Variants in CSNK1G1 observed in about 807,000 individuals in gnomAD.
The protein encoded by CSNK1G1 is casein kinase I isoform gamma-1.
A neutral mutation model predicts 59.6 loss-of-function variants in CSNK1G1; 22 were observed. The ratio of observed to expected loss-of-function variants is 0.37; its 90% CI spans 0.26 to 0.53. The LOEUF is 0.53. Among genes scored for constraint, CSNK1G1 ranks in the 20% least tolerant of loss-of-function variants. CSNK1G1 has a pLI of 0.89. For missense variants in CSNK1G1, 384 were observed against 519.5 expected (o/e 0.74, Z 2.54); for synonymous variants, 179 against 177.1 (o/e 1.01, Z -0.08).
chr15:64,337,969 A>G (rs1315959389), intron 1 of CSNK1G1, among the ~76,000 whole-genome samples: 1 of 152,194 alleles, frequency 6.6e-6, no homozygotes, highest in Non-Finnish European at 1.5e-5. Context: ...CATGTGTCAG[A>G]ATTTCCTTCC....
At chr15:64,228,243 T>A (rs562795096) in intron 4 of CSNK1G1, among the ~76,000 whole-genome samples, 2 of 152,240 alleles carry the variant, frequency 1.3e-5, no homozygotes, top group South Asian at 4.2e-4. Context: ...GCATTACTTT[T>A]TTAAATTATA....
rs116312790 is a variant in CSNK1G1, at chr15:64,324,113, C to T, written c.-224-23390G>A. Among the ~76,000 whole-genome samples the T allele has an allele frequency of 1.0e-2, 1,519 of 152,280 alleles. 29 individuals are homozygous for T. Among genetic ancestry groups the T allele is most frequent in the African/African-American group, 0.035 (1,459 of 41,554 alleles). The stretch of plus-strand genomic sequence containing the variant: ...CTTTGACACTTTTGTCAGGTAGATA[C>T]TTGACATCCTGACTCAAAAGCCCCT... On this transcript the variant is annotated intron_variant, in intron 1 of 11. Transcript: ENST00000303052.
At chr15:64,246,827 A>C (rs2140312453) in intron 4 of CSNK1G1, among the ~76,000 whole-genome samples, 1 of 152,056 alleles carries the variant, frequency 6.6e-6, no homozygotes, top group East Asian at 1.9e-4. Flanking sequence ...AAAGAATCCT[A>C]TTATCCTGCC....
Position 64,300,378 on chromosome 15 carries a change from C to T in CSNK1G1, c.122G>A (p.Gly41Glu), listed in dbSNP as rs778890117. 2.5e-6 allele frequency: 4 copies of T among 1,614,042 alleles called. No homozygotes were observed. Among genetic ancestry groups the T allele is most frequent in the Admixed American group, 1.7e-5 (1 of 60,002 alleles). Residue 41 changes from glycine to glutamate, a missense_variant, in exon 2 of 12, where the codon GGA (glycine) becomes GAA (glutamate). By Grantham distance (98) the Gly-to-Glu change is moderately conservative. Around this residue, in one of 3 missense-constraint regions of CSNK1G1, gnomAD observed 56 missense variants for 60.8 expected, o/e 0.92. Transcript: ENST00000303052. Reference sequence around the variant, plus strand: ...CTTCTTGCCAACCCTGAAGTTGGGTCCCACCATAAGAACCCCAGAGGACGA... The same window carrying T: ...CTTCTTGCCAACCCTGAAGTTGGGTTCCACCATAAGAACCCCAGAGGACGA... The part of the protein sequence containing the change: ...SSSSSGVLMV[G>E]PNFRVGKKIG...
At chr15:64,262,702 A>G (rs1892758279) in intron 2 of CSNK1G1, among the ~76,000 whole-genome samples, 1 of 152,222 alleles carries the variant, frequency 6.6e-6, no homozygotes. Context: ...CCTAATTTTC[A>G]TTTGAAGATT....
rs116046921 is a variant in CSNK1G1, at chr15:64,272,552, G to T, written c.182-13311C>A. 7.1e-3 allele frequency among the ~76,000 whole-genome samples: 1,088 copies of T among 152,184 alleles called. 16 individuals are homozygous for T. The highest frequency in any genetic ancestry group is 0.024 in the African/African-American group (1,006 of 41,516). ...ACTTTTAAATGGGGGTATTTAGCCT[G>T]TTTACATTCAAGGCTAGTATTGATA... On this transcript the variant is annotated intron_variant, in intron 2 of 11. Transcript: ENST00000303052.
intron 2 of CSNK1G1, among the ~76,000 whole-genome samples, chr15:64,262,127 G>C (rs750677175): frequency 9.9e-5 from 15 of 152,110 alleles, no homozygotes; most frequent in Non-Finnish European, 2.9e-5. Context: ...AACAGAAGTA[G>C]GGAAAAGCAT....
intron 2 of CSNK1G1, among the ~76,000 whole-genome samples, chr15:64,261,001 G>A (rs1410899420): frequency 1.3e-5 from 2 of 151,946 alleles, no homozygotes; most frequent in South Asian, 2.1e-4. Context: ...CTTTTTTAGG[G>A]GAGCACAAGT....
intron 1 of CSNK1G1, among the ~76,000 whole-genome samples, chr15:64,304,135 C>T (rs1047819657): frequency 2.0e-5 from 3 of 151,890 alleles, no homozygotes; most frequent in African/African-American, 7.3e-5. Context: ...TGCCTATAAT[C>T]CCAGTACTTT....
At chr15:64,319,162 C>A (rs562374647) in intron 1 of CSNK1G1, among the ~76,000 whole-genome samples, 2 of 152,304 alleles carry the variant, frequency 1.3e-5, no homozygotes, top group East Asian at 3.9e-4. Flanking sequence ...CCTAAACTTA[C>A]ATTTATAATA....
chr15:64,229,064 A>G (rs1421143516), intron 4 of CSNK1G1, among the ~76,000 whole-genome samples: 2 of 151,624 alleles, frequency 1.3e-5, no homozygotes, highest in African/African-American at 2.4e-5. Flanking sequence ...TACAGAGTGG[A>G]TATTTTTTCT....
At chr15:64,342,034 A>C (rs1212290691) in intron 1 of CSNK1G1, among the ~76,000 whole-genome samples, 1 of 152,190 alleles carries the variant, frequency 6.6e-6, no homozygotes, top group Non-Finnish European at 1.5e-5. Context: ...TGGCTAAATG[A>C]CTTCCCTTGT....
intron 2 of CSNK1G1, among the ~76,000 whole-genome samples, chr15:64,275,743 T>A (rs992891066): frequency 6.6e-6 from 1 of 152,088 alleles, no homozygotes; most frequent in African/African-American, 2.4e-5. Context: ...CTTGACCAAA[T>A]TTTTTAAAGA....
intron 1 of CSNK1G1, among the ~76,000 whole-genome samples, chr15:64,305,704 A>C (rs901979493): frequency 8.1e-5 from 12 of 147,672 alleles, no homozygotes; most frequent in Admixed American, 1.3e-4. Flanking sequence ...CCAAAAAAAA[A>C]AAAACAAAAA....
chr15:64,294,912 C>CAAAAAA (rs937758323), intron 2 of CSNK1G1, among the ~76,000 whole-genome samples: 1 of 51,168 alleles, frequency 2.0e-5, no homozygotes, highest in African/African-American at 6.6e-5. Flanking sequence ...AACTTCGTCT[C>CAAAAAA]AAAAAAAAAA....
intron 1 of CSNK1G1, among the ~76,000 whole-genome samples, chr15:64,320,692 A>G (rs1023883581): frequency 3.3e-5 from 5 of 151,560 alleles, no homozygotes; most frequent in African/African-American, 1.2e-4. Context: ...AAAAAAAAAA[A>G]AAAAGAAAAA....
At position 64,249,017 on chromosome 15, in the gene CSNK1G1, G is replaced by A. The variant is rs963795742; in HGVS notation, c.292+2495C>T. 2.6e-5 allele frequency among the ~76,000 whole-genome samples: 4 copies of A among 152,190 alleles called. No individual in the cohort carries two copies. In the East Asian group the frequency reaches 7.7e-4, roughly 29 times the overall value. The stretch of plus-strand genomic sequence containing the variant: ...GGGCGCCTGTAGGCCCAGCTACTCG[G>A]GAGGCTGAGGAGGAGAATGGCGTGA... On this transcript the variant is annotated intron_variant, in intron 4 of 11. Coordinates refer to ENST00000303052, the MANE Select transcript of CSNK1G1 (RefSeq NM_022048.5).
intron 1 of CSNK1G1, among the ~76,000 whole-genome samples, chr15:64,301,882 G>A (rs141867699): frequency 0.043 from 6,496 of 150,806 alleles, 156 homozygotes; most frequent in South Asian, 0.08. Context: ...GTGAGACTCC[G>A]TCTCAAAAAA....
At chr15:64,310,378 A>C (rs1049508185) in intron 1 of CSNK1G1, among the ~76,000 whole-genome samples, 1 of 151,928 alleles carries the variant, frequency 6.6e-6, no homozygotes, top group African/African-American at 2.4e-5. Flanking sequence ...AATGTACTGT[A>C]TCTTGTACTG....
Sources: gnomAD v4.1 joint callset for allele counts (sites outside exome capture counted in the v4.1 genomes callset) on GRCh38, gnomAD v4.1.1 for gene constraint, gnomAD v4.1.1 regional missense constraint, MANE v1.5 for transcripts, NCBI Gene and HGNC (gene_info 2026-07-23, HGNC 2026-07-21) for gene names.